The following SLC16A2 variants were observed in gnomAD, a reference collection of about 807,000 sequenced individuals.
SLC16A2 encodes the protein monocarboxylate transporter 8.
In SLC16A2, 3 loss-of-function variants were observed where a neutral mutation model predicts 27.2. The ratio of observed to expected loss-of-function variants is 0.11; its 90% CI spans 0.05 to 0.28. The LOEUF (loss-of-function observed/expected upper bound fraction) is 0.28. Ranked by LOEUF, SLC16A2 falls within the 10% of genes least tolerant of loss-of-function variation. The pLI is 1.00. For synonymous variants in SLC16A2, 202 were observed against 187.8 expected (o/e 1.08, Z -0.62); for missense variants, 295 against 458.5 (o/e 0.64, Z 3.26).
At chrX:74,514,647 G>T (rs779401461) in intron 1 of SLC16A2, among the ~76,000 whole-genome samples, 1 of 111,749 alleles carries the variant, frequency 8.9e-6, no homozygotes, top group South Asian at 3.8e-4. Flanking sequence ...TCCTGGCAAG[G>T]TGCCAAGGTG....
intron 1 of SLC16A2, among the ~76,000 whole-genome samples, chrX:74,510,585 G>C (rs1930211708): frequency 9.0e-6 from 1 of 111,095 alleles, no homozygotes; most frequent in Admixed American, 9.6e-5. Context: ...AGGTCTCTCT[G>C]TTTGACTCTG....
At chrX:74,454,410 A>G (rs1000893139) in intron 1 of SLC16A2, among the ~76,000 whole-genome samples, 4 of 110,349 alleles carry the variant, frequency 3.6e-5, no homozygotes, top group African/African-American at 1.3e-4. Context: ...AAAAATGATG[A>G]GTTCATGTCC....
Position 74,531,341 on chromosome X carries a change from C to T in SLC16A2, c.1408C>T (p.Arg470Cys), listed in dbSNP as rs762142912. Residue 470 changes from arginine to cysteine, a missense_variant, in exon 6 of 6, where the codon CGC becomes TGC. Coordinates refer to ENST00000587091, the MANE Select transcript of SLC16A2 (RefSeq NM_006517.5). ...IAGPPIAGLLRNCFGDYHVAF... is the reference protein window; with the variant it reads ...IAGPPIAGLLCNCFGDYHVAF... ...TCTCTTGACTGTTTCAGGCCTACTC[C>T]GCAACTGTTTTGGGGACTACCATGT... 1.7e-6 allele frequency: 2 copies of T among 1,210,640 alleles called. No individual in the cohort carries two copies. The highest frequency in any genetic ancestry group is 3.0e-5 in the East Asian group (1 of 33,835).
chrX:74,476,553 G>T (rs1052478280), intron 1 of SLC16A2, among the ~76,000 whole-genome samples: 1 of 111,815 alleles, frequency 8.9e-6, no homozygotes, highest in African/African-American at 3.3e-5. Context: ...CCTGTCTTGT[G>T]CCAGTTTTCA....
chrX:74,421,905 C>T lies in SLC16A2; in HGVS notation c.268C>T (p.Arg90Cys). Residue 90 changes from arginine to cysteine, a missense_variant, in exon 1 of 6, where the codon CGC (arginine) becomes TGC (cysteine). Physicochemically the swap from Arg to Cys is radical, Grantham distance 180. Around this residue, in one of 3 missense-constraint regions of SLC16A2, gnomAD observed 92 missense variants for 85.1 expected, o/e 1.08. Transcript: ENST00000587091. ...TACGGTAGAGACCCGCGGCACCGCG[C>T]GCGGCTTCCAGCCTCCCGAAGGTGG... is the stretch of plus-strand genomic sequence containing the variant. Reference protein sequence around the residue: ...TPTVETRGTARGFQPPEGGFG... With the variant: ...TPTVETRGTACGFQPPEGGFG... 1 of 1,210,695 alleles carries T rather than the reference C, an allele frequency of 8.3e-7. No individual in the cohort carries two copies. Among genetic ancestry groups the T allele is most frequent in the Middle Eastern group, 2.5e-4 (1 of 3,960 alleles).
At chrX:74,489,373 T>G (rs1425266914) in intron 1 of SLC16A2, among the ~76,000 whole-genome samples, 1 of 112,138 alleles carries the variant, frequency 8.9e-6, no homozygotes, top group Non-Finnish European at 1.9e-5. Context: ...GGTTTTATAG[T>G]TTTATAACCC....
chrX:74,446,620 A>AAAAC (rs77126990), intron 1 of SLC16A2, among the ~76,000 whole-genome samples: 31,670 of 106,680 alleles, frequency 0.3, 3,992 homozygotes, highest in South Asian at 0.38. Context: ...ACCCTGTTTC[A>AAAAC]AAACAAACAA....
chrX:74,502,027 C>T (rs1443226187), intron 1 of SLC16A2, among the ~76,000 whole-genome samples: 1 of 111,417 alleles, frequency 9.0e-6, no homozygotes, highest in Non-Finnish European at 1.9e-5. Context: ...CAGCTATCTC[C>T]TCTCCCCTCT....
intron 1 of SLC16A2, among the ~76,000 whole-genome samples, chrX:74,494,191 G>C (rs1018152511): frequency 3.6e-5 from 4 of 112,229 alleles, no homozygotes; most frequent in African/African-American, 9.7e-5. Context: ...AGTGTTATGT[G>C]TATTTGAAAA....
intron 1 of SLC16A2, among the ~76,000 whole-genome samples, chrX:74,487,099 A>G (rs868255286): frequency 1.7e-4 from 19 of 109,935 alleles, no homozygotes; most frequent in African/African-American, 5.7e-4. Context: ...TTATTTATTT[A>G]TTTTTTACCC....
At chrX:74,521,926 C>T (rs994696008) in intron 2 of SLC16A2, among the ~76,000 whole-genome samples, 1 of 112,201 alleles carries the variant, frequency 8.9e-6, no homozygotes, top group Admixed American at 9.4e-5. Flanking sequence ...TCATTTTCTG[C>T]TTTCTTTTCT....
intron 1 of SLC16A2, among the ~76,000 whole-genome samples, chrX:74,439,269 C>A (rs1369909383): frequency 1.1e-5 from 1 of 93,899 alleles, no homozygotes; most frequent in African/African-American, 4.1e-5. Flanking sequence ...TTCTCTCTCC[C>A]TTCCTTCCTC....
At chrX:74,521,888 A>G (rs1460988049) in intron 2 of SLC16A2, among the ~76,000 whole-genome samples, 1 of 112,298 alleles carries the variant, frequency 8.9e-6, no homozygotes, top group Non-Finnish European at 1.9e-5. Context: ...AGAACTTGGC[A>G]GTATCAGGTG....
chrX:74,521,791 A>G (rs180818563), intron 2 of SLC16A2, among the ~76,000 whole-genome samples: 56 of 112,303 alleles, frequency 5.0e-4, no homozygotes, highest in African/African-American at 1.6e-3. Flanking sequence ...GATTAGCAAT[A>G]TCCCTTACTG....
rs183094136 is a variant in SLC16A2, at chrX:74,495,998, T to C, written c.431-24992T>C. Among the ~76,000 whole-genome samples the C allele has an allele frequency of 3.8e-3, 422 of 110,713 alleles. 5 individuals are homozygous for C. Among genetic ancestry groups the C allele is most frequent in the Non-Finnish European group, 7.4e-4 (39 of 52,807 alleles). ...CAGGCCACAGGCAGATGAGAGATCA[T>C]GGAACCAACTGGCTCCTTGCTCTTC... On this transcript the variant is annotated intron_variant, in intron 1 of 5. Coordinates refer to ENST00000587091, the MANE Select transcript of SLC16A2 (RefSeq NM_006517.5).
chrX:74,475,455 C>A (rs374771778), intron 1 of SLC16A2, among the ~76,000 whole-genome samples: 1 of 107,235 alleles, frequency 9.3e-6, no homozygotes, highest in African/African-American at 3.4e-5. Context: ...ATGGTAGTTT[C>A]TTTTGCTGTG....
chrX:74,478,717 G>T (rs1362935686), intron 1 of SLC16A2, among the ~76,000 whole-genome samples: 1 of 110,832 alleles, frequency 9.0e-6, no homozygotes, highest in East Asian at 2.8e-4. Context: ...GTCTGTAAAG[G>T]ATTTTATTTC....
At chrX:74,447,116 T>A (rs1928851675) in intron 1 of SLC16A2, among the ~76,000 whole-genome samples, 1 of 112,433 alleles carries the variant, frequency 8.9e-6, no homozygotes, top group African/African-American at 3.2e-5. Flanking sequence ...CTCCCCACCC[T>A]GTCCTGCCCC....
At chrX:74,452,664 A>T (rs1183167664) in intron 1 of SLC16A2, among the ~76,000 whole-genome samples, 1 of 111,377 alleles carries the variant, frequency 9.0e-6, no homozygotes, top group Non-Finnish European at 1.9e-5. Context: ...GTATACATAT[A>T]CATTATTGCA....
Sources: gnomAD v4.1 joint callset for allele counts (sites outside exome capture counted in the v4.1 genomes callset) on GRCh38, gnomAD v4.1.1 for gene constraint, gnomAD v4.1.1 regional missense constraint, MANE v1.5 for transcripts, NCBI Gene and HGNC (gene_info 2026-07-23, HGNC 2026-07-21) for gene names.